SH3PXD2A: variants seen among roughly 807,000 people sequenced by gnomAD.
SH3PXD2A encodes the protein SH3 and PX domains 2A, also known as SH3 and PX domain-containing protein 2A.
In SH3PXD2A, 32 loss-of-function variants were observed where a neutral mutation model predicts 115.2. That is an observed-to-expected ratio of 0.28 (90% confidence interval 0.21 to 0.37). SH3PXD2A has a LOEUF of 0.37. Ranked by LOEUF, SH3PXD2A falls within the 10% of genes least tolerant of loss-of-function variation. The pLI is 1.00. For synonymous variants in SH3PXD2A, 610 were observed against 629.1 expected (o/e 0.97, Z 0.45); for missense variants, 1,328 against 1,498.7 (o/e 0.89, Z 1.88).
At chr10:103,822,527 A>G (rs1410093339) in intron 1 of SH3PXD2A, among the ~76,000 whole-genome samples, 1 of 152,062 alleles carries the variant, frequency 6.6e-6, no homozygotes, top group Non-Finnish European at 1.5e-5. Flanking sequence ...CTGATGCAGC[A>G]CTCAGCCATG....
rs200496209 is a variant in SH3PXD2A, at chr10:103,710,008, TC to T, written c.398+14261del. ...TACTTGGGAGGCTGAGGCAGGAGAG[TC>T]ACTTGGACCCGGGAGGCGGAGGTTG... On this transcript the variant is annotated intron_variant, in intron 5 of 14. Coordinates refer to ENST00000369774, the MANE Select transcript of SH3PXD2A (RefSeq NM_001394015.1). Among the ~76,000 whole-genome samples the T allele has an allele frequency of 8.2e-3, 1,243 of 151,048 alleles. 14 individuals carry two copies. Among genetic ancestry groups the T allele is most frequent in the African/African-American group, 0.029 (1,177 of 41,028 alleles).
intron 1 of SH3PXD2A, among the ~76,000 whole-genome samples, chr10:103,832,694 A>G (rs923107446): frequency 6.6e-6 from 1 of 152,220 alleles, no homozygotes; most frequent in Non-Finnish European, 1.5e-5. Context: ...ATAGGTGGGA[A>G]TTGAACAATG....
At chr10:103,623,809 G>A (rs1010347246) in intron 9 of SH3PXD2A, among the ~76,000 whole-genome samples, 1 of 152,234 alleles carries the variant, frequency 6.6e-6, no homozygotes, top group Non-Finnish European at 1.5e-5. Context: ...ACATGAATCA[G>A]GTCCTGTGCA....
intron 8 of SH3PXD2A, among the ~76,000 whole-genome samples, chr10:103,647,033 G>A (rs1287806205): frequency 3.9e-5 from 6 of 152,104 alleles, no homozygotes; most frequent in African/African-American, 1.2e-4. Flanking sequence ...AGGTCTAGAC[G>A]GAGTCAGATA....
At chr10:103,820,987 G>A (rs566947095) in intron 1 of SH3PXD2A, among the ~76,000 whole-genome samples, 2 of 152,258 alleles carry the variant, frequency 1.3e-5, no homozygotes, top group South Asian at 2.1e-4. Context: ...ACAAATCAAC[G>A]AGTTTCTCTG....
At chr10:103,682,530 G>T (rs909034138) in intron 6 of SH3PXD2A, among the ~76,000 whole-genome samples, 1 of 152,178 alleles carries the variant, frequency 6.6e-6, no homozygotes, top group South Asian at 2.1e-4. Context: ...GGCCGAAGAG[G>T]GTGGATCACA....
intron 3 of SH3PXD2A, among the ~76,000 whole-genome samples, chr10:103,742,735 G>A (rs1457330594): frequency 6.6e-6 from 1 of 152,188 alleles, no homozygotes; most frequent in Non-Finnish European, 1.5e-5. Context: ...TGAAGCCCTC[G>A]TGGGGGACAG....
intron 8 of SH3PXD2A, among the ~76,000 whole-genome samples, chr10:103,629,397 A>AGATATCT (rs1189045945): frequency 1.3e-5 from 2 of 152,202 alleles, no homozygotes; most frequent in Non-Finnish European, 2.9e-5. Flanking sequence ...TTAGAGCACC[A>AGATATCT]GATATCTGTA....
At chr10:103,622,652 A>AT in intron 9 of SH3PXD2A, 99 bp from the exon 10 acceptor site, 1 of 456,890 alleles carries the variant, frequency 2.2e-6, no homozygotes, top group Non-Finnish European at 4.3e-6. Context: ...GAAGGGGCAC[A>AT]GGGAGGGGAG....
chr10:103,711,774 G>A (rs1190388697), intron 5 of SH3PXD2A, among the ~76,000 whole-genome samples: 3 of 152,170 alleles, frequency 2.0e-5, no homozygotes. Flanking sequence ...CCCTCTGGTG[G>A]CCAGGCATGG....
chr10:103,658,657 G>A (rs553146205), intron 8 of SH3PXD2A, among the ~76,000 whole-genome samples: 1 of 152,310 alleles, frequency 6.6e-6, no homozygotes, highest in East Asian at 1.9e-4. Context: ...AGCACTGCAG[G>A]TCCTGTGCAA....
At chr10:103,845,296 A>T (rs1842832976) in intron 1 of SH3PXD2A, among the ~76,000 whole-genome samples, 1 of 143,646 alleles carries the variant, frequency 7.0e-6, no homozygotes, top group African/African-American at 2.6e-5. Flanking sequence ...GCGCCTCTGC[A>T]CTCCAGCCTG....
In SH3PXD2A at chr10:103,661,034, G is replaced by A; in HGVS notation, c.553C>T (p.Leu185=). 6.2e-7 allele frequency: 1 copy of A among 1,614,134 alleles called. No homozygotes were observed. The highest frequency in any genetic ancestry group is 8.5e-7 in the Non-Finnish European group (1 of 1,179,986). ...SNYKKQENSE[L]SLQAGEVVDV... is the part of the protein sequence containing the mutation. Reference sequence around the variant, plus strand: ...ACCACCTCCCCGGCCTGGAGGCTCAGCTCCGAGTTCTCCTGCTTCTTATAG... The same window carrying A: ...ACCACCTCCCCGGCCTGGAGGCTCAACTCCGAGTTCTCCTGCTTCTTATAG... The change falls in exon 8 of 15, where the codon CTG becomes TTG. Residue 185 remains leucine (L), a synonymous_variant. Transcript: ENST00000369774.
chr10:103,667,688 C>T (rs890367624), intron 7 of SH3PXD2A, among the ~76,000 whole-genome samples: 1 of 152,194 alleles, frequency 6.6e-6, no homozygotes, highest in Admixed American at 6.5e-5. Context: ...CCCCACCACC[C>T]CACTCAGCTC....
intron 6 of SH3PXD2A, among the ~76,000 whole-genome samples, chr10:103,671,698 C>T (rs1251261088): frequency 1.3e-5 from 2 of 151,668 alleles, no homozygotes; most frequent in Non-Finnish European, 2.9e-5. Flanking sequence ...AGGAGGCAGA[C>T]AAGGCTGTTG....
rs2036246691 is a variant in SH3PXD2A, at chr10:103,603,211, T to C, written c.2007A>G (p.Leu669=). The C allele has an allele frequency of 6.2e-7, 1 of 1,614,032 alleles. No homozygotes were observed. The highest frequency in any genetic ancestry group is 1.3e-5 in the African/African-American group (1 of 74,944). Residue 669 remains leucine, a synonymous_variant, in exon 15 of 15, where the codon CTA becomes CTG. Transcript: ENST00000369774. ...KSGSPKSSSL[L]KLKAEKNAQA... ...GGGCATTCTTCTCTGCCTTGAGCTT[T>C]AGGAGTGATGATGACTTGGGGGAGC...
In SH3PXD2A at chr10:103,788,039, G is replaced by A. The variant is rs566571841; in HGVS notation, c.153+13243C>T. Reference sequence around the variant, plus strand: ...AGGTACCCAAGACCCTTCTGTGGCTGGGAAAAATGTTCCCCTAATCCAGGC... The same window carrying A: ...AGGTACCCAAGACCCTTCTGTGGCTAGGAAAAATGTTCCCCTAATCCAGGC... On this transcript the variant is annotated intron_variant, in intron 2 of 14. Transcript: ENST00000369774. Among the ~76,000 whole-genome samples the A allele has an allele frequency of 5.9e-5, 9 of 152,238 alleles. No homozygotes were observed. The East Asian group carries it at 1.7e-3, about 29-fold the overall frequency.
chr10:103,761,495 A>G (rs1259308455), intron 3 of SH3PXD2A, among the ~76,000 whole-genome samples: 7 of 152,244 alleles, frequency 4.6e-5, no homozygotes, highest in African/African-American at 1.4e-4. Context: ...CCTTGGGACT[A>G]TCTTATTTGT....
chr10:103,772,162 T>A (rs551021410), intron 2 of SH3PXD2A, among the ~76,000 whole-genome samples: 2 of 152,364 alleles, frequency 1.3e-5, no homozygotes, highest in Admixed American at 6.5e-5. Context: ...CAGTTCAGCA[T>A]CTTGGCCCTC....
Sources: allele counts gnomAD v4.1 joint callset (sites outside exome capture counted in the v4.1 genomes callset), GRCh38; gene constraint gnomAD v4.1.1; transcripts MANE v1.5; gene names NCBI Gene and HGNC (gene_info 2026-07-23, HGNC 2026-07-21).